Variants in PTPRD observed in about 807,000 individuals in gnomAD.
PTPRD encodes receptor-type tyrosine-protein phosphatase delta.
Under a neutral mutation model 214.5 loss-of-function variants are expected in PTPRD, and 34 were observed. The observed-to-expected ratio is 0.16, with a 90% CI of 0.12 to 0.21. The LOEUF (loss-of-function observed/expected upper bound fraction) is 0.21, where lower values mean the gene tolerates loss of function less well. Among genes scored for constraint, PTPRD ranks in the 10% least tolerant of loss-of-function variants. The pLI is 1.00. For synonymous variants in PTPRD, 1,128 were observed against 845.7 expected, an observed-to-expected ratio of 1.33 and a Z score of -5.79; for missense variants, 2,545 against 2,398.7, an observed-to-expected ratio of 1.06 and a Z score of -1.27.
chr9:9,025,692 A>G (rs767751297), intron 10 of PTPRD, among the ~76,000 whole-genome samples: 26 of 152,010 alleles, frequency 1.7e-4, no homozygotes, highest in Non-Finnish European at 2.8e-4. Flanking sequence ...ATTGTAATGG[A>G]AAAAGCATGA....
At chr9:10,120,738 A>C (rs2098768107) in intron 3 of PTPRD, among the ~76,000 whole-genome samples, 1 of 152,090 alleles carries the variant, frequency 6.6e-6, no homozygotes, top group Admixed American at 6.6e-5. Context: ...TTTCTTCTTC[A>C]ATAAATCCTA....
At chr9:8,785,227 T>C (rs140145104) in intron 11 of PTPRD, among the ~76,000 whole-genome samples, 1 of 152,220 alleles carries the variant, frequency 6.6e-6, no homozygotes, top group South Asian at 2.1e-4. Flanking sequence ...AAGGAGATGA[T>C]GAAGAATAAC....
chr9:10,357,275 G>A (rs2097296799), intron 2 of PTPRD, among the ~76,000 whole-genome samples: 1 of 152,078 alleles, frequency 6.6e-6, no homozygotes. Flanking sequence ...TTCTGTGTTT[G>A]ATTTGATTTA....
chr9:9,383,202 CAG>C (rs1569567865), intron 9 of PTPRD, among the ~76,000 whole-genome samples: 1 of 151,930 alleles, frequency 6.6e-6, no homozygotes, highest in Non-Finnish European at 1.5e-5. Flanking sequence ...ATATCATTTC[CAG>C]AGTTATTCTC....
chr9:8,716,220 C>A (rs943875354), intron 12 of PTPRD, among the ~76,000 whole-genome samples: 25 of 152,202 alleles, frequency 1.6e-4, no homozygotes, highest in African/African-American at 6.0e-4. Context: ...GGCTAGGAGA[C>A]ACCTAAGGTC....
intron 8 of PTPRD, among the ~76,000 whole-genome samples, chr9:9,470,949 T>C (rs1421289184): frequency 6.6e-6 from 1 of 152,208 alleles, no homozygotes; most frequent in East Asian, 1.9e-4. Flanking sequence ...GACTGTAGTA[T>C]CTGGATCTTT....
At chr9:9,369,239 T>C (rs1272801212) in intron 9 of PTPRD, among the ~76,000 whole-genome samples, 1 of 152,148 alleles carries the variant, frequency 6.6e-6, no homozygotes. Flanking sequence ...TGTAAAAGTG[T>C]TCCTATTTCT....
intron 7 of PTPRD, among the ~76,000 whole-genome samples, chr9:9,589,656 G>T (rs532465908): frequency 1.3e-5 from 2 of 151,954 alleles, no homozygotes; most frequent in Non-Finnish European, 2.9e-5. Flanking sequence ...TGTGTTACTG[G>T]ATTTTTAAAA....
chr9:9,976,903 T>G (rs1471611703), intron 4 of PTPRD, among the ~76,000 whole-genome samples: 1 of 151,878 alleles, frequency 6.6e-6, no homozygotes, highest in Non-Finnish European at 1.5e-5. Flanking sequence ...ACAAATTTGA[T>G]TTGGCGATTG....
At chr9:9,507,208 G>C (rs577557932) in intron 8 of PTPRD, among the ~76,000 whole-genome samples, 1 of 151,186 alleles carries the variant, frequency 6.6e-6, no homozygotes, top group East Asian at 1.9e-4. Flanking sequence ...GCATTATAAT[G>C]TCAATTTTGT....
intron 9 of PTPRD, among the ~76,000 whole-genome samples, chr9:9,300,069 A>G (rs1342903211): frequency 6.7e-6 from 1 of 150,076 alleles, no homozygotes; most frequent in Non-Finnish European, 1.5e-5. Flanking sequence ...GTCCACCTCT[A>G]TGGCCACTGT....
chr9:9,299,662 T>C (rs1954496958), intron 9 of PTPRD, among the ~76,000 whole-genome samples: 2 of 151,772 alleles, frequency 1.3e-5, no homozygotes, highest in East Asian at 3.9e-4. Flanking sequence ...ATAACATCAG[T>C]GACTTGTGCC....
chr9:9,050,719 T>C (rs886313080), intron 10 of PTPRD, among the ~76,000 whole-genome samples: 6 of 152,180 alleles, frequency 3.9e-5, no homozygotes, highest in African/African-American at 1.4e-4. Context: ...TCTAGGTTAT[T>C]ACGTTCACTG....
intron 4 of PTPRD, among the ~76,000 whole-genome samples, chr9:9,965,316 G>A (rs1674468786): frequency 6.6e-6 from 1 of 152,132 alleles, no homozygotes; most frequent in Admixed American, 6.6e-5. Flanking sequence ...CTTCTAAGAA[G>A]AAACAATATG....
intron 7 of PTPRD, among the ~76,000 whole-genome samples, chr9:9,697,594 C>A (rs2097404325): frequency 6.6e-6 from 1 of 151,984 alleles, no homozygotes; most frequent in Admixed American, 6.6e-5. Context: ...CTTCTTTTCT[C>A]TTGTTGCTTT....
intron 2 of PTPRD, among the ~76,000 whole-genome samples, chr9:10,358,464 T>C (rs183654192): frequency 7.9e-5 from 12 of 152,078 alleles, no homozygotes; most frequent in Non-Finnish European, 1.3e-4. Flanking sequence ...ATTACAAATA[T>C]TAGACAGTAT....
In PTPRD at chr9:9,922,181, A is replaced by T. The variant is rs1323227305; in HGVS notation, c.-368+16326T>A. Among the ~76,000 whole-genome samples the T allele has an allele frequency of 3.3e-5, 5 of 152,090 alleles. No homozygotes were observed. The South Asian group carries it at 1.0e-3, about 32-fold the overall frequency. The stretch of plus-strand genomic sequence containing the variant: ...TGAGTGCTTTAGAAGGCACGAATGA[A>T]CTGCAGTTCTGAACAGAGAAAAATT... On this transcript the variant is annotated intron_variant, in intron 5 of 45. Coordinates refer to ENST00000381196, the MANE Select transcript of PTPRD (RefSeq NM_002839.4).
At chr9:10,292,230 A>G (rs1381888249) in intron 3 of PTPRD, among the ~76,000 whole-genome samples, 1 of 151,960 alleles carries the variant, frequency 6.6e-6, no homozygotes, top group East Asian at 1.9e-4. Flanking sequence ...TTTCTCTCAC[A>G]CTTCACCTAT....
chr9:9,781,919 A>G (rs1028767034), intron 5 of PTPRD, among the ~76,000 whole-genome samples: 2 of 151,920 alleles, frequency 1.3e-5, no homozygotes, highest in African/African-American at 4.8e-5. Context: ...CAGCCTCCCA[A>G]GTAGCTGGGA....
Sources: allele counts gnomAD v4.1 joint callset (sites outside exome capture counted in the v4.1 genomes callset), GRCh38; gene constraint gnomAD v4.1.1; transcripts MANE v1.5; gene names NCBI Gene and HGNC (gene_info 2026-07-23, HGNC 2026-07-21).